The following CLUH variants were observed in gnomAD, a reference collection of about 807,000 sequenced individuals.
CLUH encodes CLUH binding protein of NUMT mRNA.
In CLUH, 77 loss-of-function variants were observed where a neutral mutation model predicts 139.3. The ratio of observed to expected loss-of-function variants is 0.55; its 90% CI spans 0.46 to 0.67. The LOEUF (loss-of-function observed/expected upper bound fraction) is 0.67. Ranked by LOEUF, CLUH falls within the 30% of genes least tolerant of loss-of-function variation. The pLI, the probability that CLUH is intolerant of heterozygous loss-of-function variation, is 0.00. For synonymous variants in CLUH, 999 were observed against 801.6 expected (o/e 1.25, Z -4.16); for missense variants, 1,876 against 1,875.8 (o/e 1.00, Z 0.00).
chr17:2,694,588 A>G lies in CLUH; in HGVS notation c.2853-24T>C, dbSNP rs376784239. ...CACTGAGGAGGGAGCAGGGGGCCTG[A>G]GCAGCCCAAGCACCGCCGGGCCCCC... On this transcript the variant is annotated intron_variant, in intron 16 of 25. Coordinates refer to ENST00000651024, the MANE Select transcript of CLUH (RefSeq NM_001366661.1). 6.5e-6 allele frequency: 10 copies of G among 1,548,186 alleles called. No homozygotes were observed. The African/African-American group carries it at 8.2e-5, about 13-fold the overall frequency.
In CLUH at chr17:2,696,731, C is replaced by G; in HGVS notation, c.2173G>C (p.Asp725His). Residue 725 changes from aspartate to histidine, a missense_variant, in exon 11 of 26, where the codon GAC (aspartate) becomes CAC (histidine). Asp to His is a moderately conservative substitution (Grantham distance 81). Around this residue, in one of 3 missense-constraint regions of CLUH, gnomAD observed 1,454 missense variants for 1,384.4 expected, o/e 1.05. Coordinates refer to ENST00000651024, the MANE Select transcript of CLUH (RefSeq NM_001366661.1). ...VKELAETIAA[D>H]DGTADPRSRE... is the part of the protein sequence containing the mutation. ...GCAGCAGCCCCACCTGTGCCGTCGT[C>G]TGCGGCGATGGTCTCTGCCAGCTCC... The G allele has an allele frequency of 6.2e-7, 1 of 1,612,110 alleles. No homozygotes were observed. Among genetic ancestry groups the G allele is most frequent in the African/African-American group, 1.3e-5 (1 of 75,032 alleles).
intron 9 of CLUH, among the ~76,000 whole-genome samples, chr17:2,699,451 C>T (rs1032132355): frequency 6.6e-6 from 1 of 152,226 alleles, no homozygotes; most frequent in East Asian, 1.9e-4. Flanking sequence ...TCCAGCCTCC[C>T]GAGTAGCTGG....
chr17:2,695,306 T>TGGTCAGGCCCC, intron 14 of CLUH, 26 bp from the exon 15 acceptor site: 1 of 1,613,642 alleles, frequency 6.2e-7, no homozygotes, highest in Non-Finnish European at 8.5e-7. Context: ...AGGGAGGTCT[T>TGGTCAGGCCCC]GGTCAGGCCC....
chr17:2,696,042 G>A, intron 13 of CLUH, 117 bp downstream of exon 13: 1 of 833,204 alleles, frequency 1.2e-6, no homozygotes, highest in Non-Finnish European at 1.9e-6. Flanking sequence ...GCCCACTCAG[G>A]GAAAGCTGAA....
rs771677618 is a variant in CLUH at position 2,692,091 on chromosome 17, G to C, written c.3567C>G (p.His1189Gln). Reference sequence around the variant, plus strand: ...TGCTCTCGTAGACTCGGGCGACAAGGTGGTGGCTGCCGGGAGGCGCGGCGC... The same window carrying C: ...TGCTCTCGTAGACTCGGGCGACAAGCTGGTGGCTGCCGGGAGGCGCGGCGC... ...PKALKVALSH[H>Q]LVARVYESKA... Residue 1189 changes from histidine (H) to glutamine (Q), a missense_variant, in exon 23 of 26, where the codon CAC (histidine) becomes CAG (glutamine). By Grantham distance (24) the His-to-Gln change is conservative (BLOSUM62 0). Transcript: ENST00000651024. 5.0e-6 allele frequency: 8 copies of C among 1,602,036 alleles called. No individual in the cohort carries two copies. The highest frequency in any genetic ancestry group is 6.0e-6 in the Non-Finnish European group (7 of 1,175,518).
rs1170554071 is a variant in CLUH, at chr17:2,690,643, C to A, written c.3998G>T (p.Gly1333Val). ...GTCCTTGGCAGCCGGGGGCTGGGAGCCCAGGTCTCCTGGGGCCCCCGCTGG... is the reference window on the plus strand; with the variant it reads ...GTCCTTGGCAGCCGGGGGCTGGGAGACCAGGTCTCCTGGGGCCCCCGCTGG... ...PAPAGAPGDL[G>V]SQPPAAKDPS... is the part of the protein sequence containing the mutation. Residue 1333 changes from glycine to valine, a missense_variant, in exon 26 of 26, where the codon GGC (glycine) becomes GTC (valine). This residue lies in a region of CLUH where 1,454 missense variants were observed against 1,384.4 expected (regional missense o/e 1.05). Coordinates refer to ENST00000651024, the MANE Select transcript of CLUH (RefSeq NM_001366661.1). 4 of 1,521,258 alleles carry A rather than the reference C, an allele frequency of 2.6e-6. No homozygotes were observed. Among genetic ancestry groups the A allele is most frequent in the Non-Finnish European group, 3.5e-6 (4 of 1,141,262 alleles). The allele number at this position is 1,521,258 out of a possible 1,614,324, so 94.2% of individuals were successfully genotyped here.
chr17:2,698,632 C>T, intron 9 of CLUH, 42 bp from the exon 10 acceptor site: 2 of 1,494,978 alleles, frequency 1.3e-6, no homozygotes, highest in South Asian at 1.3e-5. Context: ...GCCGCGCCCA[C>T]AAGAGCCTGC....
Position 2,691,695 on chromosome 17 carries a change from G to T in CLUH, c.3790-13C>A. 1 of 1,611,192 alleles carries T rather than the reference G, an allele frequency of 6.2e-7. No individual in the cohort carries two copies. Among genetic ancestry groups the T allele is most frequent in the Non-Finnish European group, 8.5e-7 (1 of 1,178,776 alleles). Reference sequence around the variant, plus strand: ...TGGGGGCCGTGAACTGCGGGGCGGGGAAACCAGCGGTGAGCGGGGCTCCCG... The same window carrying T: ...TGGGGGCCGTGAACTGCGGGGCGGGTAAACCAGCGGTGAGCGGGGCTCCCG... On this transcript the variant is annotated splice_polypyrimidine_tract_variant and intron_variant, in intron 24 of 25. Transcript: ENST00000651024.
chr17:2,696,920 C>T lies in CLUH; in HGVS notation c.1984G>A (p.Ala662Thr), dbSNP rs1461787302. The change falls in exon 11 of 26, where the codon GCC becomes ACC. Residue 662 changes from alanine (A) to threonine (T), a missense_variant. Around this residue, in one of 3 missense-constraint regions of CLUH, gnomAD observed 1,454 missense variants for 1,384.4 expected, o/e 1.05. Coordinates refer to ENST00000651024, the MANE Select transcript of CLUH (RefSeq NM_001366661.1). ...TTCTGCTGCATCAGCTGCAAGGCGGCCAGCTTCATAAAGAGGAGGTACCTG... is the reference window on the plus strand; with the variant it reads ...TTCTGCTGCATCAGCTGCAAGGCGGTCAGCTTCATAAAGAGGAGGTACCTG... ...EHRYLLFMKL[A>T]ALQLMQQNAS... The T allele has an allele frequency of 6.3e-7, 1 of 1,599,746 alleles. No individual in the cohort carries two copies. The highest frequency in any genetic ancestry group is 8.5e-7 in the Non-Finnish European group (1 of 1,173,480).
chr17:2,708,402 G>A (rs562915815), intron 1 of CLUH, among the ~76,000 whole-genome samples: 1 of 152,048 alleles, frequency 6.6e-6, no homozygotes. Flanking sequence ...CCAGAGAAGT[G>A]TTGACAACCA....
chr17:2,693,141 C>CGAAAAAAAAA (rs1555529824), intron 19 of CLUH, among the ~76,000 whole-genome samples: 1 of 73,784 alleles, frequency 1.4e-5, no homozygotes, highest in African/African-American at 6.0e-5. Context: ...AAAAATGTTA[C>CGAAAAAAAAA]AAAAAAAAAA....
chr17:2,706,804 C>T lies in CLUH; in HGVS notation c.101-2240G>A, dbSNP rs1051506050. ...TAAGGGGAGAAGCAGGAAGGGCCCC[C>T]ACCCAATATAGAACAGCAGTTTTGA... On this transcript the variant is annotated intron_variant, in intron 1 of 25. Transcript: ENST00000651024. The surrounding 1 kb of genome is among the most constrained non-coding windows in gnomAD (Gnocchi z 4.6). 6.6e-6 allele frequency among the ~76,000 whole-genome samples: 1 copy of T among 152,200 alleles called. No individual in the cohort carries two copies. Among genetic ancestry groups the T allele is most frequent in the Non-Finnish European group, 1.5e-5 (1 of 68,032 alleles).
chr17:2,695,146 C>A, intron 15 of CLUH, 45 bp from the exon 16 acceptor site: 1 of 1,613,420 alleles, frequency 6.2e-7, no homozygotes, highest in Non-Finnish European at 8.5e-7. Context: ...CTCAGCCCCA[C>A]CTCAGGCTCT....
In CLUH at chr17:2,691,946, C is replaced by CCCCCGCCCCG. The variant is rs1433504419; in HGVS notation, c.3654+48_3655-52dup. On this transcript the variant is annotated intron_variant, in intron 23 of 25. Transcript: ENST00000651024. ...GCCCCCCCGTGCCCCCGCGGCCCCGCCCCCGCCCCGCCACGCCCCCGCCCC... is the reference window on the plus strand; with the variant it reads ...GCCCCCCCGTGCCCCCGCGGCCCCGCCCCCGCCCCGCCCCGCCCCGCCACGCCCCCGCCCC... 8.4e-6 allele frequency: 10 copies of CCCCCGCCCCG among 1,184,020 alleles called. No individual in the cohort carries two copies. The African/African-American group carries it at 2.0e-4, about 24-fold the overall frequency. The allele number at this position is 1,184,020 out of a possible 1,614,324, so 73.3% of individuals were successfully genotyped here. A position where few individuals can be genotyped will look rare whatever the true frequency, so the allele number is the denominator to read the frequency against.
chr17:2,690,811 AGAG>A (rs761279229), intron 25 of CLUH, 34 bp from the exon 26 acceptor site: 2 of 1,452,012 alleles, frequency 1.4e-6, no homozygotes, highest in Admixed American at 2.6e-5. Flanking sequence ...GGTGGCTCTC[AGAG>A]GAGTCCTGGG....
intron 25 of CLUH, 113 bp from the exon 26 acceptor site, chr17:2,690,890 A>G (rs1457024972): frequency 2.7e-5 from 22 of 809,220 alleles, no homozygotes; most frequent in South Asian, 2.0e-4. Context: ...TCAGTGGGGA[A>G]TGTGTGTGAA....
chr17:2,711,781 G>C, upstream of CLUH: 1 of 288,746 alleles, frequency 3.5e-6, no homozygotes, highest in Non-Finnish European at 5.2e-6. Flanking sequence ...CGTGGTGCGC[G>C]CCGTGGCCTT....
rs1302356682 is a variant in CLUH, at chr17:2,689,600, A to ATCC, written c.*991_*993dup. On this transcript the variant is annotated 3_prime_UTR_variant, in exon 26 of 26. Coordinates refer to ENST00000651024, the MANE Select transcript of CLUH (RefSeq NM_001366661.1). Reference sequence around the variant, plus strand: ...CTCCTCCGGGTCTCAGGGTGGCCACATCCTCCCCCACCAGGGCTCTGACAG... The same window carrying ATCC: ...CTCCTCCGGGTCTCAGGGTGGCCACATCCTCCTCCCCCACCAGGGCTCTGACAG... 1 of 153,108 alleles carries ATCC rather than the reference A, an allele frequency of 6.5e-6. No homozygotes were observed. The highest frequency in any genetic ancestry group is 1.9e-4 in the East Asian group (1 of 5,192). The allele number at this position is 153,108 out of a possible 1,614,324, so 9.5% of individuals were successfully genotyped here. A position where few individuals can be genotyped will look rare whatever the true frequency, so the allele number is the denominator to read the frequency against.
chr17:2,703,491 T>C lies in CLUH; in HGVS notation c.304-2A>G. 1 of 1,612,076 alleles carries C rather than the reference T, an allele frequency of 6.2e-7. No homozygotes were observed. The highest frequency in any genetic ancestry group is 8.5e-7 in the Non-Finnish European group (1 of 1,178,924). On this transcript the variant is annotated splice_acceptor_variant, in intron 2 of 25. Transcript: ENST00000651024. LOFTEE classifies it high-confidence loss of function. This position sits in a 1 kb window ranked among gnomAD's most constrained non-coding sequence, Gnocchi z 4.2. ...CTGCACCATCTCCTGGGGGGACACC[T>C]GCAGGGAGAAGGCCCCGCCCACCCC...
Sources: gnomAD v4.1 joint callset for allele counts (sites outside exome capture counted in the v4.1 genomes callset) on GRCh38, gnomAD v4.1.1 for gene constraint, gnomAD v4.1.1 regional missense constraint, Gnocchi (gnomAD v3.1) non-coding constraint, MANE v1.5 for transcripts, NCBI Gene and HGNC (gene_info 2026-07-23, HGNC 2026-07-21) for gene names.